The following DPF2 variants were observed in gnomAD, a reference collection of about 807,000 sequenced individuals.
DPF2 encodes the protein double PHD fingers 2.
DPF2 carries 10 observed loss-of-function variants against 59.6 expected under a neutral mutation model. The observed-to-expected ratio is 0.17, with a 90% CI of 0.10 to 0.28. The LOEUF (loss-of-function observed/expected upper bound fraction) is 0.28. Among genes scored for constraint, DPF2 ranks in the 10% least tolerant of loss-of-function variants. The pLI is 1.00. For synonymous variants in DPF2, 189 were observed against 190.6 expected (o/e 0.99, Z 0.07); for missense variants, 315 against 509.4 (o/e 0.62, Z 3.67).
In DPF2 at chr11:65,341,532, G is replaced by A; in HGVS notation, c.435G>A (p.Glu145=). The A allele has an allele frequency of 1.2e-6, 2 of 1,614,120 alleles. No individual in the cohort carries two copies. The highest frequency in any genetic ancestry group is 8.5e-7 in the Non-Finnish European group (1 of 1,180,022). The stretch of plus-strand genomic sequence containing the variant: ...GAGTTGATGATGACAGCCTGGGCGA[G>A]TTTCCTGTGACCAACAGTCGAGCGC... ...DPRVDDDSLG[E]FPVTNSRARK... The change falls in exon 4 of 11, where the codon GAG becomes GAA. Residue 145 remains glutamate (E), a synonymous_variant. Coordinates refer to ENST00000528416, the MANE Select transcript of DPF2 (RefSeq NM_006268.5).
intron 1 of DPF2, among the ~76,000 whole-genome samples, chr11:65,335,079 GT>G (rs57579516): frequency 2.8e-5 from 4 of 141,628 alleles, no homozygotes; most frequent in Non-Finnish European, 4.5e-5. Context: ...CTTGTGGTTT[GT>G]TTTTTTTTTT....
At chr11:65,337,545 A>AGAGAGG (rs1211980981) in intron 1 of DPF2, among the ~76,000 whole-genome samples, 13 of 136,936 alleles carry the variant, frequency 9.5e-5, no homozygotes, top group African/African-American at 2.4e-4. Flanking sequence ...AGAGAGAGAG[A>AGAGAGG]GAACAATGTT....
At chr11:65,337,502 TATAG>T (rs1423254084) in intron 1 of DPF2, among the ~76,000 whole-genome samples, 220 of 33,092 alleles carry the variant, frequency 6.6e-3, no homozygotes, top group African/African-American at 0.011. Flanking sequence ...TATATATATA[TATAG>T]AGAGAGAGAG....
At chr11:65,346,735 G>GTA (rs1420008994) in intron 9 of DPF2, 7 of 166,340 alleles carry the variant, frequency 4.2e-5, no homozygotes, top group Admixed American at 3.1e-4. Context: ...TGATGGTCAG[G>GTA]TATGGCTCTT....
At chr11:65,344,610 C>A in intron 6 of DPF2, 1 of 1,535,996 alleles carries the variant, frequency 6.5e-7, no homozygotes, top group Non-Finnish European at 8.7e-7. Flanking sequence ...ACCTCGAAAG[C>A]GCCCCAGAGA....
At chr11:65,349,751 G>A (rs1243248109) in intron 10 of DPF2, among the ~76,000 whole-genome samples, 2 of 150,804 alleles carry the variant, frequency 1.3e-5, no homozygotes, top group Non-Finnish European at 2.9e-5. Context: ...AACCGAGATC[G>A]CACCACTGCA....
intron 10 of DPF2, among the ~76,000 whole-genome samples, chr11:65,349,465 C>G (rs1209246907): frequency 1.3e-5 from 2 of 152,146 alleles, no homozygotes; most frequent in South Asian, 2.1e-4. Context: ...AAGTCCCCTT[C>G]CAGCTGGATT....
intron 9 of DPF2, chr11:65,346,680 G>A (rs772256871): frequency 7.6e-5 from 18 of 235,964 alleles, no homozygotes; most frequent in Non-Finnish European, 1.2e-4. Context: ...TGAAAAAAAC[G>A]AAATCAGTAC....
rs1590926649 is a variant in DPF2 at position 65,333,916 on chromosome 11, G to A, written c.30G>A (p.Lys10=). The A allele has an allele frequency of 1.2e-6, 2 of 1,614,052 alleles. No homozygotes were observed. Among genetic ancestry groups the A allele is most frequent in the Non-Finnish European group, 1.7e-6 (2 of 1,179,964 alleles). Reference sequence around the variant, plus strand: ...CGGCTGTGGTGGAGAATGTAGTGAAGCTGTGAGTGGTCGTTTCTTTCTCTC... The same window carrying A: ...CGGCTGTGGTGGAGAATGTAGTGAAACTGTGAGTGGTCGTTTCTTTCTCTC... MAAVVENVV[K]LLGEQYYKDA... The change falls in exon 1 of 11, where the codon AAG becomes AAA. Residue 10 remains lysine, a splice_region_variant and synonymous_variant. Transcript: ENST00000528416.
At position 65,351,869 on chromosome 11, in the gene DPF2, C is replaced by G. The variant is rs976656328; in HGVS notation, c.*110C>G. 2 of 1,301,000 alleles carry G rather than the reference C, an allele frequency of 1.5e-6. No individual in the cohort carries two copies. The highest frequency in any genetic ancestry group is 2.0e-5 in the Admixed American group (1 of 49,738). 80.6% of individuals were successfully genotyped at this position (1,301,000 alleles called of 1,614,324 possible). A position where few individuals can be genotyped will look rare whatever the true frequency, so the allele number is the denominator to read the frequency against. On this transcript the variant is annotated 3_prime_UTR_variant, in exon 11 of 11. Transcript: ENST00000528416. ...TCCTCTCCTTCACAAATCCAGAGAA[C>G]CTTGGGGTGGTTGTGCCAGCCTGCC...
chr11:65,343,921 A>C, intron 5 of DPF2, 70 bp from the exon 6 acceptor site: 1 of 1,608,674 alleles, frequency 6.2e-7, no homozygotes, highest in Non-Finnish European at 8.5e-7. Context: ...ATTAGCGGCC[A>C]CTTCCAAAAG....
At chr11:65,339,221 AC>A (rs562450136) in intron 1 of DPF2, among the ~76,000 whole-genome samples, 70 of 152,050 alleles carry the variant, frequency 4.6e-4, no homozygotes, top group African/African-American at 1.6e-3. Context: ...AGCTTGGGCA[AC>A]ATAGTGAGAC....
chr11:65,343,932 A>T, intron 5 of DPF2, 59 bp from the exon 6 acceptor site: 1 of 1,610,966 alleles, frequency 6.2e-7, no homozygotes, highest in Middle Eastern at 1.7e-4. Context: ...CTTCCAAAAG[A>T]GTCTAACTCC....
chr11:65,336,475 CTT>C (rs1329558617), intron 1 of DPF2, among the ~76,000 whole-genome samples: 1 of 151,788 alleles, frequency 6.6e-6, no homozygotes, highest in African/African-American at 2.4e-5. Flanking sequence ...CTGAGTGACA[CTT>C]TTAAGACTCT....
Position 65,352,867 on chromosome 11 carries a change from T to G in DPF2, c.*1108T>G, listed in dbSNP as rs2137719157. ...GGACACCCTGGAGTAGCCTTCCCCCTTGGCCGTGGGCAGGCCCTAACTCAC... is the reference window on the plus strand; with the variant it reads ...GGACACCCTGGAGTAGCCTTCCCCCGTGGCCGTGGGCAGGCCCTAACTCAC... On this transcript the variant is annotated 3_prime_UTR_variant, in exon 11 of 11. Coordinates refer to ENST00000528416, the MANE Select transcript of DPF2 (RefSeq NM_006268.5). The G allele has an allele frequency of 6.5e-6, 1 of 152,696 alleles. No homozygotes were observed. The highest frequency in any genetic ancestry group is 2.1e-4 in the South Asian group (1 of 4,828). 9.5% of individuals were successfully genotyped at this position (152,696 alleles called of 1,614,324 possible). A position where few individuals can be genotyped will look rare whatever the true frequency, so the allele number is the denominator to read the frequency against.
rs550036749 is a variant in DPF2 at position 65,341,625 on chromosome 11, G to C, written c.465+63G>C. The stretch of plus-strand genomic sequence containing the variant: ...GAAATCAGCCTCCTCTTCACTGGGG[G>C]CCACCTAGTTTCTAGAACTGAAACA... On this transcript the variant is annotated intron_variant, in intron 4 of 10. Transcript: ENST00000528416. 1.5e-5 allele frequency: 24 copies of C among 1,597,690 alleles called. 1 individual carries two copies. In the South Asian group the frequency reaches 2.6e-4, roughly 17 times the overall value.
intron 8 of DPF2, 38 bp downstream of exon 8, chr11:65,346,096 C>T (rs778732858): frequency 6.2e-7 from 1 of 1,611,450 alleles, no homozygotes; most frequent in Non-Finnish European, 8.5e-7. Context: ...TTGCCCAGTC[C>T]CCAAGGGGCT....
rs1293875492 is a variant in DPF2, at chr11:65,351,822, A to G, written c.*63A>G. The G allele has an allele frequency of 1.3e-6, 2 of 1,536,146 alleles. No individual in the cohort carries two copies. The highest frequency in any genetic ancestry group is 1.4e-5 in the African/African-American group (1 of 73,260). ...GTTTCTCTCCTCCACTTCATATTTC[A>G]TACCCATCTTTCCCTTCTTCCTCCT... On this transcript the variant is annotated 3_prime_UTR_variant, in exon 11 of 11. Coordinates refer to ENST00000528416, the MANE Select transcript of DPF2 (RefSeq NM_006268.5).
intron 1 of DPF2, 150 bp downstream of exon 1, chr11:65,334,068 C>G (rs1044143159): frequency 2.6e-6 from 3 of 1,149,242 alleles, no homozygotes; most frequent in Non-Finnish European, 3.7e-6. Flanking sequence ...CAGGAGACTC[C>G]GGAGAAGACG....
Sources: gnomAD v4.1 joint callset for allele counts (sites outside exome capture counted in the v4.1 genomes callset) on GRCh38, gnomAD v4.1.1 for gene constraint, MANE v1.5 for transcripts, NCBI Gene and HGNC (gene_info 2026-07-23, HGNC 2026-07-21) for gene names.